Variants in USP34 observed in about 807,000 individuals in gnomAD.
The protein encoded by USP34 is ubiquitin specific peptidase 34.
USP34 carries 70 observed loss-of-function variants against 460.3 expected under a neutral mutation model. The ratio of observed to expected loss-of-function variants is 0.15; its 90% CI spans 0.13 to 0.19. The LOEUF is 0.19. Ranked by LOEUF, USP34 falls within the 10% of genes least tolerant of loss-of-function variation. USP34 has a pLI of 1.00. For missense variants in USP34, 3,985 were observed against 4,236.2 expected, an observed-to-expected ratio of 0.94 and a Z score of 1.65; for synonymous variants, 1,647 against 1,405.3, an observed-to-expected ratio of 1.17 and a Z score of -3.85.
chr2:61,460,747 G>A (rs1695574519), intron 1 of USP34, among the ~76,000 whole-genome samples: 1 of 152,134 alleles, frequency 6.6e-6, no homozygotes, highest in African/African-American at 2.4e-5. Context: ...TACTTTGGGA[G>A]GCCGAGGCAA....
intron 12 of USP34, 129 bp from the exon 13 acceptor site, chr2:61,349,414 C>T (rs1456769165): frequency 4.7e-6 from 4 of 854,670 alleles, no homozygotes; most frequent in South Asian, 1.8e-5. Context: ...AGGTTAAGTC[C>T]CCACCACCTA....
At chr2:61,289,650 T>G (rs1287647581) in intron 33 of USP34, among the ~76,000 whole-genome samples, 2 of 152,038 alleles carry the variant, frequency 1.3e-5, no homozygotes, top group Non-Finnish European at 2.9e-5. Flanking sequence ...ATACCTATAC[T>G]ATATTACTGA....
intron 25 of USP34, 34 bp from the exon 26 acceptor site, chr2:61,311,944 T>A: frequency 6.2e-7 from 1 of 1,603,634 alleles, no homozygotes; most frequent in Non-Finnish European, 8.5e-7. Context: ...ATAGAAAGGA[T>A]ACCATTTTAA....
chr2:61,222,250 T>A (rs955090704), intron 65 of USP34, among the ~76,000 whole-genome samples: 11 of 152,222 alleles, frequency 7.2e-5, no homozygotes, highest in Admixed American at 2.0e-4. Flanking sequence ...TTTACAAAAA[T>A]ACTTTTATAT....
At chr2:61,394,778 C>CT in intron 5 of USP34, 75 bp downstream of exon 5, 1 of 1,209,530 alleles carries the variant, frequency 8.3e-7, no homozygotes, top group Non-Finnish European at 1.1e-6. Flanking sequence ...CCTTCCTTTT[C>CT]AGAGCATAAA....
chr2:61,395,685 C>G (rs932897227), intron 3 of USP34, among the ~76,000 whole-genome samples: 27 of 145,890 alleles, frequency 1.9e-4, no homozygotes, highest in Non-Finnish European at 3.1e-4. Flanking sequence ...ACTCGGGAGG[C>G]TGAGGCAGGA....
chr2:61,427,273 C>T (rs1204023648), intron 1 of USP34, among the ~76,000 whole-genome samples: 1 of 152,204 alleles, frequency 6.6e-6, no homozygotes, highest in Non-Finnish European at 1.5e-5. Context: ...CGTGATCCAC[C>T]CGCCTTGGCC....
In USP34 at chr2:61,229,565, C is replaced by A. The variant is rs1687833672; in HGVS notation, c.7182G>T (p.Gln2394His). 4 of 1,609,880 alleles carry A rather than the reference C, an allele frequency of 2.5e-6. No homozygotes were observed. In the East Asian group the frequency reaches 9.0e-5, roughly 36 times the overall value. Reference protein sequence around the residue: ...LRPVHAHLYLQPGMEDGSDDM... With the variant: ...LRPVHAHLYLHPGMEDGSDDM... ...CTTCTTACCCATCTTCCATTCCTGG[C>A]TGCAAATAGAGATGAGCATGCACAG... Residue 2394 changes from glutamine (Q) to histidine (H), a missense_variant, in exon 59 of 80, where the codon CAG becomes CAT. By Grantham distance (24) the Gln-to-His change is conservative. Coordinates refer to ENST00000398571, the MANE Select transcript of USP34 (RefSeq NM_014709.4).
At chr2:61,206,360 G>A (rs1558465752) in intron 71 of USP34, among the ~76,000 whole-genome samples, 2 of 152,164 alleles carry the variant, frequency 1.3e-5, no homozygotes. Context: ...TGTATATGAA[G>A]AAGTTCAGAG....
At chr2:61,368,157 G>A (rs1165647682) in intron 10 of USP34, among the ~76,000 whole-genome samples, 1 of 152,202 alleles carries the variant, frequency 6.6e-6, no homozygotes, top group East Asian at 1.9e-4. Flanking sequence ...CGTCAGGCCG[G>A]GCCCATTGGC....
At chr2:61,253,556 A>T (rs1688643011) in intron 48 of USP34, among the ~76,000 whole-genome samples, 1 of 152,156 alleles carries the variant, frequency 6.6e-6, no homozygotes, top group African/African-American at 2.4e-5. Context: ...AAAAATGAAT[A>T]CCATCCCTTT....
chr2:61,430,218 A>AG (rs1360368516), intron 1 of USP34, among the ~76,000 whole-genome samples: 1 of 136,178 alleles, frequency 7.3e-6, no homozygotes, highest in African/African-American at 2.7e-5. Context: ...TCGTCACAAA[A>AG]AAAAAAAAAA....
chr2:61,395,785 C>CAAA (rs541139131), intron 3 of USP34, among the ~76,000 whole-genome samples: 5 of 29,314 alleles, frequency 1.7e-4, no homozygotes, highest in East Asian at 1.1e-3. Context: ...GACTCCGTCT[C>CAAA]AAAAAAAAAA....
At chr2:61,271,807 A>T (rs1689223065) in intron 41 of USP34, among the ~76,000 whole-genome samples, 1 of 152,180 alleles carries the variant, frequency 6.6e-6, no homozygotes, top group Non-Finnish European at 1.5e-5. Flanking sequence ...TCTTTATAGA[A>T]AAAATTTACC....
chr2:61,222,717 G>C, intron 64 of USP34, 54 bp from the exon 65 acceptor site: 8 of 1,553,236 alleles, frequency 5.2e-6, no homozygotes, highest in Non-Finnish European at 7.1e-6. Flanking sequence ...TTGTTTTTGA[G>C]ACAGGGTTTC....
intron 2 of USP34, among the ~76,000 whole-genome samples, chr2:61,408,393 ATATAAT>A (rs2103941684): frequency 6.6e-6 from 1 of 152,246 alleles, no homozygotes; most frequent in African/African-American, 2.4e-5. Context: ...ACACAGAAAT[ATATAAT>A]TATAAATATA....
rs1448359450 is a variant in USP34 at position 61,451,702 on chromosome 2, CAAAA to C, written c.43+18944_43+18947del. Among the ~76,000 whole-genome samples, 4 of 149,516 alleles carry C rather than the reference CAAAA, an allele frequency of 2.7e-5. No individual in the cohort carries two copies. The East Asian group carries it at 7.9e-4, about 29-fold the overall frequency. ...CGCCTCAAAAAAAAAAACAAAAAAA[CAAAA>C]AACCAGACAGACCTGGCATTTCAAA... On this transcript the variant is annotated intron_variant, in intron 1 of 79. Coordinates refer to ENST00000398571, the MANE Select transcript of USP34 (RefSeq NM_014709.4).
chr2:61,378,913 G>GAAAAAAAACAAAA (rs1692879776), intron 7 of USP34, among the ~76,000 whole-genome samples: 2 of 57,872 alleles, frequency 3.5e-5, no homozygotes, highest in Non-Finnish European at 5.7e-5. Context: ...TCAAAAAAAC[G>GAAAAAAAACAAAA]AAAAAAAAAA....
chr2:61,339,327 A>T, intron 18 of USP34, 24 bp downstream of exon 18: 3 of 1,596,092 alleles, frequency 1.9e-6, no homozygotes, highest in Non-Finnish European at 2.6e-6. Flanking sequence ...CTACTGCATT[A>T]AAAATTTTTA....
Sources: gnomAD v4.1 joint callset for allele counts (sites outside exome capture counted in the v4.1 genomes callset) on GRCh38, gnomAD v4.1.1 for gene constraint, MANE v1.5 for transcripts, NCBI Gene and HGNC (gene_info 2026-07-23, HGNC 2026-07-21) for gene names.